The following ADK variants were observed in gnomAD, a reference collection of about 807,000 sequenced individuals.
ADK encodes N6,N6-dimethyladenosine kinase.
A neutral mutation model predicts 44.7 loss-of-function variants in ADK; 24 were observed. The observed-to-expected ratio is 0.54, with a 90% CI of 0.39 to 0.76. ADK has a LOEUF of 0.76. ADK is among the 30% of genes least tolerant of loss of function. The pLI is 0.00. For missense variants in ADK, 321 were observed against 425.1 expected (o/e 0.76, Z 2.15); for synonymous variants, 128 against 142.6 (o/e 0.90, Z 0.73).
intron 4 of ADK, among the ~76,000 whole-genome samples, chr10:74,314,983 T>A (rs1237834851): frequency 6.6e-6 from 1 of 152,116 alleles, no homozygotes; most frequent in Non-Finnish European, 1.5e-5. Context: ...TTAAATTGTT[T>A]CCTTTCACTA....
chr10:74,356,790 G>A (rs1339850149), intron 4 of ADK, among the ~76,000 whole-genome samples: 1 of 152,146 alleles, frequency 6.6e-6, no homozygotes, highest in African/African-American at 2.4e-5. Flanking sequence ...GACAGGTCAT[G>A]GATTTCTCAT....
intron 7 of ADK, among the ~76,000 whole-genome samples, chr10:74,554,224 A>G (rs558019554): frequency 6.6e-6 from 1 of 152,090 alleles, no homozygotes; most frequent in Non-Finnish European, 1.5e-5. Flanking sequence ...TTTATTATGA[A>G]ATATTTCATA....
chr10:74,438,856 TATC>T (rs1845286557), intron 6 of ADK, among the ~76,000 whole-genome samples: 1 of 152,202 alleles, frequency 6.6e-6, no homozygotes, highest in Non-Finnish European at 1.5e-5. Flanking sequence ...CTATTATATA[TATC>T]ATCTTCAGTA....
At chr10:74,155,434 G>A (rs921005267) in intron 1 of ADK, among the ~76,000 whole-genome samples, 15 of 152,076 alleles carry the variant, frequency 9.9e-5, no homozygotes, top group Non-Finnish European at 1.3e-4. Context: ...GGGATTACAC[G>A]TGTGAGCCAC....
At chr10:74,349,907 A>G (rs1197931684) in intron 4 of ADK, among the ~76,000 whole-genome samples, 1 of 152,234 alleles carries the variant, frequency 6.6e-6, no homozygotes, top group African/African-American at 2.4e-5. Flanking sequence ...ACCCAGATTC[A>G]TAAAACAAGT....
At chr10:74,566,201 C>CTCT (rs1554881966) in intron 7 of ADK, among the ~76,000 whole-genome samples, 9 of 114,000 alleles carry the variant, frequency 7.9e-5, no homozygotes, top group African/African-American at 3.3e-4. Context: ...CTCTCTCTCT[C>CTCT]TTTTTTTTTT....
chr10:74,172,940 A>C (rs1293113666), intron 1 of ADK, among the ~76,000 whole-genome samples: 1 of 151,998 alleles, frequency 6.6e-6, no homozygotes, highest in East Asian at 1.9e-4. Flanking sequence ...GCAAATATCA[A>C]AAATGAGTTA....
intron 2 of ADK, among the ~76,000 whole-genome samples, chr10:74,206,529 G>A (rs575037166): frequency 6.8e-4 from 103 of 152,266 alleles, no homozygotes; most frequent in African/African-American, 2.4e-3. Flanking sequence ...CCTTCTTGGA[G>A]CAATGTTATG....
intron 6 of ADK, among the ~76,000 whole-genome samples, chr10:74,514,943 A>C (rs1420228649): frequency 6.6e-6 from 1 of 151,090 alleles, no homozygotes; most frequent in Non-Finnish European, 1.5e-5. Flanking sequence ...TCCCACCTCA[A>C]CTCCCCAAGT....
intron 3 of ADK, among the ~76,000 whole-genome samples, chr10:74,233,210 G>GA (rs1460890730): frequency 6.6e-6 from 1 of 152,100 alleles, no homozygotes; most frequent in Non-Finnish European, 1.5e-5. Flanking sequence ...TCAATCATGA[G>GA]AAAAACTGGG....
chr10:74,583,011 T>G (rs77848942), intron 7 of ADK, among the ~76,000 whole-genome samples: 6,558 of 152,280 alleles, frequency 0.043, 433 homozygotes, highest in African/African-American at 0.14. Context: ...AAGTTTTTCC[T>G]TATCAGAAAT....
At chr10:74,474,488 C>A (rs916279743) in intron 6 of ADK, among the ~76,000 whole-genome samples, 24 of 149,386 alleles carry the variant, frequency 1.6e-4, no homozygotes, top group African/African-American at 5.9e-4. Context: ...TTTTTCTCTC[C>A]CCCTTTCCTC....
intron 9 of ADK, among the ~76,000 whole-genome samples, chr10:74,657,661 T>C (rs954186120): frequency 2.6e-5 from 4 of 152,194 alleles, no homozygotes; most frequent in Non-Finnish European, 5.9e-5. Flanking sequence ...TAAAATCTAG[T>C]AGGAATAATC....
chr10:74,522,110 AT>A (rs1218875111), intron 6 of ADK, among the ~76,000 whole-genome samples: 1 of 152,232 alleles, frequency 6.6e-6, no homozygotes, highest in African/African-American at 2.4e-5. Context: ...AGAGAAAAGC[AT>A]AATTTATTTA....
chr10:74,192,562 C>T (rs1301219761), intron 1 of ADK, among the ~76,000 whole-genome samples: 1 of 148,386 alleles, frequency 6.7e-6, no homozygotes, highest in South Asian at 2.1e-4. Flanking sequence ...TGGTTTTGCT[C>T]TCTCTGTCAC....
Position 74,439,346 on chromosome 10 carries a change from T to C in ADK, c.555+40767T>C, listed in dbSNP as rs544977932. Among the ~76,000 whole-genome samples the C allele has an allele frequency of 7.2e-4, 109 of 152,224 alleles. 1 individual carries two copies. The highest frequency in any genetic ancestry group is 2.4e-3 in the African/African-American group (101 of 41,562). ...TTTTTCTTTTTCCTTCCCTGTCTTA[T>C]CTTTTGAGTTCAGGAAGTACTTTAA... On this transcript the variant is annotated intron_variant, in intron 6 of 10. Coordinates refer to ENST00000539909, the MANE Select transcript of ADK (RefSeq NM_006721.4).
At chr10:74,178,089 C>T (rs1172018802) in intron 1 of ADK, among the ~76,000 whole-genome samples, 1 of 151,872 alleles carries the variant, frequency 6.6e-6, no homozygotes, top group Admixed American at 6.6e-5. Context: ...TTATAGGCGC[C>T]AGCCACCACA....
intron 3 of ADK, among the ~76,000 whole-genome samples, chr10:74,231,110 C>T (rs940138328): frequency 6.6e-6 from 1 of 152,120 alleles, no homozygotes; most frequent in African/African-American, 2.4e-5. Flanking sequence ...CACTTCAGAC[C>T]TATAACCAAT....
chr10:74,572,927 A>T lies in ADK; in HGVS notation c.727-16355A>T, dbSNP rs181786394. Among the ~76,000 whole-genome samples the T allele has an allele frequency of 5.1e-3, 777 of 152,226 alleles. 2 individuals are homozygous for T. Among genetic ancestry groups the T allele is most frequent in the Middle Eastern group, 0.01 (3 of 294 alleles). On this transcript the variant is annotated intron_variant, in intron 7 of 10. Transcript: ENST00000539909. ...ATCTAAATTTTTTTCAAAGTTTTCA[A>T]CTTCTTTGCCTTTGGTTTGAATTTC...
Sources: gnomAD v4.1 joint callset for allele counts (sites outside exome capture counted in the v4.1 genomes callset) on GRCh38, gnomAD v4.1.1 for gene constraint, MANE v1.5 for transcripts, NCBI Gene and HGNC (gene_info 2026-07-23, HGNC 2026-07-21) for gene names.